GPD2: variants seen among roughly 807,000 people sequenced by gnomAD.
The protein encoded by GPD2 is glycerol-3-phosphate dehydrogenase 2.
Under a neutral mutation model 82.4 loss-of-function variants are expected in GPD2, and 54 were observed. That is an observed-to-expected ratio of 0.66 (90% CI 0.53 to 0.82). GPD2 has a LOEUF of 0.82. Among genes scored for constraint, GPD2 ranks in the 40% least tolerant of loss-of-function variants. The pLI is 0.00. For synonymous variants in GPD2, 288 were observed against 306.1 expected (o/e 0.94, Z 0.62); for missense variants, 748 against 896.2 (o/e 0.83, Z 2.11).
At chr2:156,466,394 A>G (rs1486495792) in intron 1 of GPD2, among the ~76,000 whole-genome samples, 3 of 152,236 alleles carry the variant, frequency 2.0e-5, no homozygotes, top group African/African-American at 4.8e-5. Flanking sequence ...TTTGCATTTA[A>G]TGAATATAAT....
At chr2:156,446,088 A>C (rs1682358804) in intron 1 of GPD2, among the ~76,000 whole-genome samples, 1 of 139,650 alleles carries the variant, frequency 7.2e-6, no homozygotes, top group Non-Finnish European at 1.5e-5. Flanking sequence ...AAGCATATCT[A>C]CTTTCTAAAC....
At chr2:156,543,115 C>A (rs1271041523) in intron 6 of GPD2, among the ~76,000 whole-genome samples, 1 of 152,154 alleles carries the variant, frequency 6.6e-6, no homozygotes, top group African/African-American at 2.4e-5. Context: ...TAGCCTCCTC[C>A]CTTTGCTTAT....
At chr2:156,567,490 G>T (rs536967743) in intron 9 of GPD2, among the ~76,000 whole-genome samples, 1 of 152,168 alleles carries the variant, frequency 6.6e-6, no homozygotes, top group South Asian at 2.1e-4. Context: ...ATGGGTAATT[G>T]CTGGGAGTAT....
At chr2:156,400,843 T>G in the GPD2 span, among the ~76,000 whole-genome samples, 679 of 152,306 alleles carry the variant, frequency 4.5e-3, 6 homozygotes, top group Non-Finnish European at 4.6e-3. Flanking sequence ...CATCTCCAAA[T>G]CAGCCGACGT....
At chr2:156,400,535 A>G in the GPD2 span, among the ~76,000 whole-genome samples, 1 of 152,252 alleles carries the variant, frequency 6.6e-6, no homozygotes, top group African/African-American at 2.4e-5. Context: ...GACGTCCAGC[A>G]GAAGTGCTCT....
At position 156,552,822 on chromosome 2, in the gene GPD2, G is replaced by A. The variant is rs116408534; in HGVS notation, c.971+2076G>A. 9.5e-3 allele frequency among the ~76,000 whole-genome samples: 1,444 copies of A among 151,518 alleles called. 26 individuals carry two copies. The highest frequency in any genetic ancestry group is 0.033 in the African/African-American group (1,348 of 41,262). On this transcript the variant is annotated intron_variant, in intron 8 of 16. Coordinates refer to ENST00000438166, the MANE Select transcript of GPD2 (RefSeq NM_000408.5). The stretch of plus-strand genomic sequence containing the variant: ...GATACCTTGCTATAGGACTTCTGGG[G>A]TTTGTTCATCACTTTTCCTTGGGCT...
chr2:156,557,607 G>A (rs556169388), intron 9 of GPD2, 25 bp downstream of exon 9: 4 of 1,272,752 alleles, frequency 3.1e-6, no homozygotes, highest in Non-Finnish European at 4.6e-6. Context: ...CTTTAAGTTT[G>A]TCTCTCTGTG....
chr2:156,437,946 A>C (rs1468057683), intron 1 of GPD2, among the ~76,000 whole-genome samples: 1 of 152,202 alleles, frequency 6.6e-6, no homozygotes. Flanking sequence ...AAACTATTAT[A>C]ACTCTGAACT....
chr2:156,471,335 T>TGAA (rs1683319656), intron 1 of GPD2, among the ~76,000 whole-genome samples: 1 of 152,220 alleles, frequency 6.6e-6, no homozygotes, highest in South Asian at 2.1e-4. Flanking sequence ...TTCGTAAGCT[T>TGAA]CAACACTAAA....
At chr2:156,534,907 G>T (rs1039906372) in intron 6 of GPD2, among the ~76,000 whole-genome samples, 2 of 152,144 alleles carry the variant, frequency 1.3e-5, no homozygotes, top group Non-Finnish European at 2.9e-5. Flanking sequence ...CCTAATATGG[G>T]TATGTGTGTG....
chr2:156,536,326 C>T (rs1037789863), intron 6 of GPD2, among the ~76,000 whole-genome samples: 2 of 152,124 alleles, frequency 1.3e-5, no homozygotes, highest in Non-Finnish European at 2.9e-5. Flanking sequence ...TTTGCCCTCT[C>T]CTTAAGGTGA....
chr2:156,532,916 A>T (rs558526487), intron 6 of GPD2, among the ~76,000 whole-genome samples: 1 of 152,208 alleles, frequency 6.6e-6, no homozygotes, highest in Non-Finnish European at 1.5e-5. Context: ...ATTGTGAAAG[A>T]GCTGTAGTGC....
chr2:156,413,226 T>G, the GPD2 span, among the ~76,000 whole-genome samples: 1 of 152,166 alleles, frequency 6.6e-6, no homozygotes, highest in African/African-American at 2.4e-5. Context: ...ACTCTTTATT[T>G]CATCAATATT....
intron 1 of GPD2, among the ~76,000 whole-genome samples, chr2:156,442,806 T>A (rs1189808492): frequency 6.6e-6 from 1 of 151,976 alleles, no homozygotes; most frequent in Non-Finnish European, 1.5e-5. Flanking sequence ...CTCAAAAAAA[T>A]AAAAAAGTAA....
rs1684364439 is a variant in GPD2, at chr2:156,496,134, C to T, written c.193C>T (p.Gln65Ter). 6.2e-7 allele frequency: 1 copy of T among 1,612,384 alleles called. No homozygotes were observed. The highest frequency in any genetic ancestry group is 1.1e-5 in the South Asian group (1 of 91,066). ...CAGAGAAGCTCAGCTACTGACTTTG[C>T]AAAACACATCTGAATTTGATATCCT... ...PSREAQLLTL[Q>*]NTSEFDILVI... The change falls in exon 3 of 17, where the codon CAA becomes TAA. Residue 65 changes from glutamine (Q) to a stop codon, truncating the protein, a stop_gained. Transcript: ENST00000438166. LOFTEE classifies it high-confidence loss of function.
Position 156,523,149 on chromosome 2 carries a change from G to C in GPD2, c.661+9653G>C, listed in dbSNP as rs150605262. Reference sequence around the variant, plus strand: ...AAGTTTCACTCTTGGTGTACATTCTGTCGGCTCTGATAAATATATAATGAT... The same window carrying C: ...AAGTTTCACTCTTGGTGTACATTCTCTCGGCTCTGATAAATATATAATGAT... On this transcript the variant is annotated intron_variant, in intron 6 of 16. Transcript: ENST00000438166. 3.2e-3 allele frequency among the ~76,000 whole-genome samples: 482 copies of C among 152,180 alleles called. 2 individuals are homozygous for C. Among genetic ancestry groups the C allele is most frequent in the Middle Eastern group, 0.01 (3 of 294 alleles).
rs1174598603 is a variant in GPD2 at position 156,586,128 on chromosome 2, G to T, written c.*3210G>T. ...TTAACTGAATAAGAACTGGAAGCAT[G>T]AATCAATAAAACTGATTAAAATGGT... is the stretch of plus-strand genomic sequence containing the variant. On this transcript the variant is annotated 3_prime_UTR_variant, in exon 17 of 17. Coordinates refer to ENST00000438166, the MANE Select transcript of GPD2 (RefSeq NM_000408.5). The T allele has an allele frequency of 6.6e-6, 1 of 152,386 alleles. No homozygotes were observed. Among genetic ancestry groups the T allele is most frequent in the African/African-American group, 2.4e-5 (1 of 41,410 alleles). The allele number at this position is 152,386 out of a possible 1,614,324, so 9.4% of individuals were successfully genotyped here. A position where few individuals can be genotyped will look rare whatever the true frequency, so the allele number is the denominator to read the frequency against.
the GPD2 span, among the ~76,000 whole-genome samples, chr2:156,400,902 C>T: frequency 2.0e-5 from 3 of 152,118 alleles, no homozygotes; most frequent in Non-Finnish European, 2.9e-5. Context: ...AACACTTACC[C>T]CATTACTTGT....
chr2:156,520,306 A>G (rs1685353925), intron 6 of GPD2, among the ~76,000 whole-genome samples: 2 of 151,576 alleles, frequency 1.3e-5, no homozygotes, highest in Non-Finnish European at 2.9e-5. Context: ...GGATGGGGCC[A>G]TTGCCGGGGA....
Sources: gnomAD v4.1 joint callset for allele counts (sites outside exome capture counted in the v4.1 genomes callset) on GRCh38, gnomAD v4.1.1 for gene constraint, MANE v1.5 for transcripts, NCBI Gene and HGNC (gene_info 2026-07-23, HGNC 2026-07-21) for gene names.